The following PCDH11X variants were observed in gnomAD, a reference collection of about 807,000 sequenced individuals.
PCDH11X encodes protocadherin-11 X-linked.
In PCDH11X, 18 loss-of-function variants were observed where a neutral mutation model predicts 53.3. The ratio of observed to expected loss-of-function variants is 0.34; its 90% CI spans 0.23 to 0.50. The LOEUF is 0.50. PCDH11X is among the 20% of genes least tolerant of loss of function. PCDH11X has a pLI of 0.98. For synonymous variants in PCDH11X, 279 were observed against 393.3 expected, an observed-to-expected ratio of 0.71 and a Z score of 3.44; for missense variants, 570 against 1,032.4, an observed-to-expected ratio of 0.55 and a Z score of 6.14.
intron 6 of PCDH11X, among the ~76,000 whole-genome samples, chrX:92,095,550 C>T: frequency 9.0e-6 from 1 of 111,105 alleles, no homozygotes; most frequent in Non-Finnish European, 1.9e-5. Context: ...GAAGTAACCT[C>T]CTTTTGATGT....
chrX:91,935,578 T>A (rs1249161773), intron 6 of PCDH11X, among the ~76,000 whole-genome samples: 16 of 107,227 alleles, frequency 1.5e-4, no homozygotes, highest in Non-Finnish European at 2.3e-4. Context: ...TGTCCATTTT[T>A]TTAGAGAAAC....
Position 92,273,211 on chromosome X carries a change from T to C in PCDH11X, c.3144+10068T>C, listed in dbSNP as rs770090484. ...CAGTGAAGGGAGATAGGGGTGGGGCTGTTTTATAGGATTTGGGAAGGTAAT... is the reference window on the plus strand; with the variant it reads ...CAGTGAAGGGAGATAGGGGTGGGGCCGTTTTATAGGATTTGGGAAGGTAAT... On this transcript the variant is annotated intron_variant, in intron 8 of 10. Transcript: ENST00000682573. Among the ~76,000 whole-genome samples, 1,031 of 109,270 alleles carry C rather than the reference T, an allele frequency of 9.4e-3. 21 individuals carry two copies. The highest frequency in any genetic ancestry group is 0.033 in the African/African-American group (973 of 29,866). 94.9% of individuals were successfully genotyped at this position (109,270 alleles called of 115,157 possible).
At chrX:91,827,496 T>G (rs1339801776) in intron 4 of PCDH11X, among the ~76,000 whole-genome samples, 1 of 110,651 alleles carries the variant, frequency 9.0e-6, no homozygotes, top group Non-Finnish European at 1.9e-5. Flanking sequence ...TTGTTGTGAT[T>G]GTTTTTGGCA....
At chrX:92,034,657 T>C (rs1350306576) in intron 6 of PCDH11X, among the ~76,000 whole-genome samples, 4 of 110,381 alleles carry the variant, frequency 3.6e-5, no homozygotes, top group Non-Finnish European at 7.5e-5. Context: ...ATGTTTATTG[T>C]AATCAACACA....
At chrX:92,539,620 T>G (rs1372604311) in intron 10 of PCDH11X, among the ~76,000 whole-genome samples, 1 of 111,882 alleles carries the variant, frequency 8.9e-6, no homozygotes, top group East Asian at 2.8e-4. Context: ...GTTCATTTGG[T>G]AAGGCCATGT....
chrX:91,923,327 A>G (rs992176634), intron 6 of PCDH11X, among the ~76,000 whole-genome samples: 4 of 90,928 alleles, frequency 4.4e-5, no homozygotes, highest in African/African-American at 1.6e-4. Context: ...GTGGACTGGA[A>G]AAGGCAGACC....
chrX:92,316,950 G>C (rs752523267), intron 8 of PCDH11X, among the ~76,000 whole-genome samples: 1 of 110,341 alleles, frequency 9.1e-6, no homozygotes, highest in South Asian at 3.9e-4. Flanking sequence ...GCTGAATTAA[G>C]GTCTCCAGAG....
chrX:92,140,854 G>C (rs1335770134), intron 6 of PCDH11X, among the ~76,000 whole-genome samples: 2 of 111,173 alleles, frequency 1.8e-5, no homozygotes, highest in African/African-American at 6.5e-5. Context: ...AGAGGTACCT[G>C]AGAGAATTTA....
At chrX:92,236,053 AAC>A (rs1303668159) in intron 7 of PCDH11X, among the ~76,000 whole-genome samples, 1 of 111,789 alleles carries the variant, frequency 8.9e-6, no homozygotes, top group African/African-American at 3.2e-5. Context: ...ACAAAATGCT[AAC>A]AGTCTGTATT....
intron 8 of PCDH11X, among the ~76,000 whole-genome samples, chrX:92,380,468 G>A (rs1289647705): frequency 8.9e-6 from 1 of 112,216 alleles, no homozygotes; most frequent in Non-Finnish European, 1.9e-5. Flanking sequence ...GTCTGGTGAA[G>A]CAACACCCCG....
intron 8 of PCDH11X, among the ~76,000 whole-genome samples, chrX:92,327,599 T>C (rs1347822791): frequency 2.0e-5 from 2 of 100,638 alleles, no homozygotes; most frequent in Non-Finnish European, 4.0e-5. Flanking sequence ...CTTTGGGTCC[T>C]GGAAGCTTTT....
intron 6 of PCDH11X, among the ~76,000 whole-genome samples, chrX:92,077,541 G>A (rs1315460999): frequency 9.1e-6 from 1 of 109,363 alleles, no homozygotes; most frequent in African/African-American, 3.3e-5. Context: ...TTTGAATAAA[G>A]GCATTTATAA....
intron 10 of PCDH11X, among the ~76,000 whole-genome samples, chrX:92,525,368 C>T (rs1159304623): frequency 1.8e-5 from 2 of 111,552 alleles, no homozygotes; most frequent in South Asian, 7.4e-4. Context: ...CGGTGGCTCA[C>T]GCCTGTAATC....
At chrX:92,354,165 T>C (rs1194739132) in intron 8 of PCDH11X, among the ~76,000 whole-genome samples, 1 of 104,218 alleles carries the variant, frequency 9.6e-6, no homozygotes, top group Non-Finnish European at 1.9e-5. Flanking sequence ...AAAGAAGACA[T>C]GTGAAGTGTT....
chrX:92,098,636 CTTTTT>C (rs34306564), intron 6 of PCDH11X, among the ~76,000 whole-genome samples: 2 of 43,902 alleles, frequency 4.6e-5, no homozygotes, highest in African/African-American at 9.7e-5. Context: ...TCCAAATGCT[CTTTTT>C]TTTTTTTTTT....
At chrX:92,098,726 C>A (rs772836191) in intron 6 of PCDH11X, among the ~76,000 whole-genome samples, 25 of 101,924 alleles carry the variant, frequency 2.5e-4, no homozygotes, top group Admixed American at 5.6e-4. Context: ...TGGCTCACAG[C>A]GACCTCTGCC....
At chrX:92,306,506 A>T (rs1453647267) in intron 8 of PCDH11X, among the ~76,000 whole-genome samples, 1 of 110,108 alleles carries the variant, frequency 9.1e-6, no homozygotes, top group Non-Finnish European at 1.9e-5. Context: ...TGAAGAAAAA[A>T]AAGAAAAGAC....
chrX:91,922,737 G>A (rs1349111539), intron 6 of PCDH11X, among the ~76,000 whole-genome samples: 1 of 112,112 alleles, frequency 8.9e-6, no homozygotes, highest in Non-Finnish European at 1.9e-5. Flanking sequence ...CTCTGTCCAT[G>A]GAAAAATAGT....
At chrX:92,239,119 A>G (rs1216090315) in intron 7 of PCDH11X, among the ~76,000 whole-genome samples, 1 of 111,630 alleles carries the variant, frequency 9.0e-6, no homozygotes, top group Non-Finnish European at 1.9e-5. Flanking sequence ...CTCGTATATT[A>G]GAAATGGAAT....
Sources: gnomAD v4.1 joint callset for allele counts (sites outside exome capture counted in the v4.1 genomes callset) on GRCh38, gnomAD v4.1.1 for gene constraint, MANE v1.5 for transcripts, NCBI Gene and HGNC (gene_info 2026-07-23, HGNC 2026-07-21) for gene names.